The following APBB2 variants were observed in gnomAD, a reference collection of about 807,000 sequenced individuals.
APBB2 encodes Fe65-like 1.
In APBB2, 38 loss-of-function variants were observed where a neutral mutation model predicts 82.5. The ratio of observed to expected loss-of-function variants is 0.46; its 90% CI spans 0.36 to 0.60. The LOEUF (loss-of-function observed/expected upper bound fraction) is 0.60. Among genes scored for constraint, APBB2 ranks in the 20% least tolerant of loss-of-function variants. The pLI, the probability that APBB2 is intolerant of heterozygous loss-of-function variation, is 0.00. For synonymous variants in APBB2, 341 were observed against 368.2 expected (o/e 0.93, Z 0.85); for missense variants, 772 against 972.3 (o/e 0.79, Z 2.74).
At chr4:41,180,508 C>T (rs910387423) in intron 1 of APBB2, among the ~76,000 whole-genome samples, 2 of 151,926 alleles carry the variant, frequency 1.3e-5, no homozygotes, top group East Asian at 1.9e-4. Flanking sequence ...GTGGTACATG[C>T]GTGTAGTCCC....
rs1771612416 is a variant in APBB2, at chr4:40,890,336, A to T, written c.1529+28T>A. The T allele has an allele frequency of 2.5e-6, 4 of 1,605,860 alleles. No individual in the cohort carries two copies. In the East Asian group the frequency reaches 9.0e-5, roughly 36 times the overall value. ...CTAGACCAGGGACACGGGTGAGGTG[A>T]CCCAGACTGCCCCACCCAGGGACTC... On this transcript the variant is annotated intron_variant, in intron 12 of 17. Transcript: ENST00000508593.
At chr4:40,929,428 T>A (rs1326108245) in intron 10 of APBB2, among the ~76,000 whole-genome samples, 1 of 152,132 alleles carries the variant, frequency 6.6e-6, no homozygotes, top group Non-Finnish European at 1.5e-5. Flanking sequence ...GCCTCCCAAG[T>A]AGCTGGCACT....
At chr4:41,154,725 T>C (rs1168998236) in intron 1 of APBB2, among the ~76,000 whole-genome samples, 1 of 152,228 alleles carries the variant, frequency 6.6e-6, no homozygotes, top group Admixed American at 6.5e-5. Context: ...TGGCAGAATT[T>C]GGATTTTTCC....
chr4:40,841,675 T>TATTC (rs1225246784), intron 12 of APBB2, among the ~76,000 whole-genome samples: 3 of 151,808 alleles, frequency 2.0e-5, no homozygotes, highest in Non-Finnish European at 4.4e-5. Flanking sequence ...TAATATTATT[T>TATTC]ATTTATTTAT....
intron 2 of APBB2, among the ~76,000 whole-genome samples, chr4:41,134,077 C>G (rs1354426881): frequency 6.6e-6 from 1 of 152,122 alleles, no homozygotes; most frequent in East Asian, 1.9e-4. Flanking sequence ...CTCAAGTGGT[C>G]CACCCACCTC....
At chr4:41,010,011 A>T (rs139546781) in intron 6 of APBB2, among the ~76,000 whole-genome samples, 1 of 152,348 alleles carries the variant, frequency 6.6e-6, no homozygotes, top group East Asian at 1.9e-4. Flanking sequence ...ATTTTATTTC[A>T]TTCACCAATC....
intron 10 of APBB2, among the ~76,000 whole-genome samples, chr4:40,905,134 C>T (rs930906031): frequency 2.6e-5 from 4 of 152,138 alleles, no homozygotes; most frequent in Non-Finnish European, 5.9e-5. Context: ...CCCCATGTAG[C>T]GCTTACCATG....
chr4:41,149,679 G>T (rs2154026723), intron 1 of APBB2, among the ~76,000 whole-genome samples: 1 of 152,276 alleles, frequency 6.6e-6, no homozygotes, highest in East Asian at 1.9e-4. Context: ...AATACGATTT[G>T]ACTGTGTCCC....
intron 4 of APBB2, among the ~76,000 whole-genome samples, chr4:41,062,582 C>T (rs1730268700): frequency 1.3e-5 from 2 of 152,092 alleles, no homozygotes; most frequent in South Asian, 4.1e-4. Flanking sequence ...GAGGGATCAA[C>T]ACCGGGAAAA....
intron 5 of APBB2, among the ~76,000 whole-genome samples, chr4:41,021,818 T>C (rs1376603122): frequency 1.3e-5 from 2 of 152,202 alleles, no homozygotes; most frequent in Non-Finnish European, 2.9e-5. Context: ...ACCACCTTTA[T>C]GAGCTATAAC....
rs544752127 is a variant in APBB2 at position 41,111,667 on chromosome 4, C to CA, written c.-260-10918dup. On this transcript the variant is annotated intron_variant, in intron 2 of 17. Transcript: ENST00000508593. ...AATGCTCTCTCTATATATACATGCA[C>CA]AAAAAAAACTGCATATTTGGACATT... 6.1e-3 allele frequency among the ~76,000 whole-genome samples: 924 copies of CA among 151,938 alleles called. 9 individuals are homozygous for CA. Among genetic ancestry groups the CA allele is most frequent in the African/African-American group, 0.019 (808 of 41,440 alleles).
intron 1 of APBB2, among the ~76,000 whole-genome samples, chr4:41,176,335 A>G (rs577689024): frequency 9.2e-5 from 14 of 152,264 alleles, no homozygotes; most frequent in Non-Finnish European, 1.6e-4. Context: ...TAGTAACATT[A>G]TATCTACACC....
chr4:41,016,406 A>G (rs1022553422), intron 5 of APBB2, among the ~76,000 whole-genome samples: 3 of 152,194 alleles, frequency 2.0e-5, no homozygotes, highest in African/African-American at 7.2e-5. Context: ...TCACGCCTGT[A>G]ATCCCAGCAC....
At chr4:41,056,703 CCTCTT>C (rs1727975008) in intron 4 of APBB2, among the ~76,000 whole-genome samples, 2 of 152,178 alleles carry the variant, frequency 1.3e-5, no homozygotes, top group African/African-American at 4.8e-5. Flanking sequence ...CACCCTATCT[CCTCTT>C]AACTGTACCT....
chr4:41,015,295 G>A lies in APBB2; in HGVS notation c.20-897C>T, dbSNP rs533910237. On this transcript the variant is annotated intron_variant, in intron 5 of 17. Coordinates refer to ENST00000508593, the MANE Select transcript of APBB2 (RefSeq NM_004307.2). ...GAAGAAAGAAAGGTTTCTTAGACTA[G>A]AAGGGAATAAAATTCATCAGCAAGA... 6.6e-5 allele frequency among the ~76,000 whole-genome samples: 10 copies of A among 152,310 alleles called. No homozygotes were observed. In the South Asian group the frequency reaches 2.1e-3, roughly 32 times the overall value.
At chr4:41,004,950 C>A (rs1356302033) in intron 6 of APBB2, among the ~76,000 whole-genome samples, 2 of 150,876 alleles carry the variant, frequency 1.3e-5, no homozygotes, top group Non-Finnish European at 3.0e-5. Flanking sequence ...AATTCTTGAA[C>A]TATTGTTAAC....
intron 1 of APBB2, among the ~76,000 whole-genome samples, chr4:41,144,806 G>A (rs1247261076): frequency 6.6e-6 from 1 of 152,190 alleles, no homozygotes; most frequent in Non-Finnish European, 1.5e-5. Flanking sequence ...CACTGGCCAT[G>A]CCATAAAACT....
chr4:40,856,726 C>A (rs1282284042), intron 12 of APBB2, among the ~76,000 whole-genome samples: 1 of 152,248 alleles, frequency 6.6e-6, no homozygotes, highest in African/African-American at 2.4e-5. Context: ...GAATAGCCCA[C>A]CCCGAACAGT....
rs766021576 is a variant in APBB2, at chr4:40,813,551, A to G, written c.*2541T>C. The stretch of plus-strand genomic sequence containing the variant: ...ATACTCTTTAACATAATTTTACAAA[A>G]TTAATTTGCATTTACTATACAATGC... On this transcript the variant is annotated 3_prime_UTR_variant, in exon 18 of 18. Transcript: ENST00000508593. 6.6e-6 allele frequency: 1 copy of G among 152,226 alleles called. No individual in the cohort carries two copies. The highest frequency in any genetic ancestry group is 1.5e-5 in the Non-Finnish European group (1 of 68,036). 9.4% of individuals were successfully genotyped at this position (152,226 alleles called of 1,614,324 possible).
Sources: gnomAD v4.1 joint callset for allele counts (sites outside exome capture counted in the v4.1 genomes callset) on GRCh38, gnomAD v4.1.1 for gene constraint, MANE v1.5 for transcripts, NCBI Gene and HGNC (gene_info 2026-07-23, HGNC 2026-07-21) for gene names.